Variants in ABCB9 observed in about 807,000 individuals in gnomAD.
The protein encoded by ABCB9 is ABC-type oligopeptide transporter ABCB9.
ABCB9 carries 36 observed loss-of-function variants against 62.0 expected under a neutral mutation model. The observed-to-expected ratio is 0.58, with a 90% CI of 0.45 to 0.77. ABCB9 has a LOEUF of 0.77. Among genes scored for constraint, ABCB9 ranks in the 30% least tolerant of loss-of-function variants. ABCB9 has a pLI of 0.00. For synonymous variants in ABCB9, 435 were observed against 461.4 expected, an observed-to-expected ratio of 0.94 and a Z score of 0.73; for missense variants, 943 against 1,054.7, an observed-to-expected ratio of 0.89 and a Z score of 1.47.
upstream of ABCB9, among the ~76,000 whole-genome samples, chr12:122,969,907 C>T (rs1305194335): frequency 6.6e-6 from 1 of 152,268 alleles, no homozygotes; most frequent in Non-Finnish European, 1.5e-5. Flanking sequence ...TCATTCATTG[C>T]TGCTGGGAAT....
chr12:122,958,447 C>T (rs2036724572), intron 2 of ABCB9, among the ~76,000 whole-genome samples: 1 of 152,120 alleles, frequency 6.6e-6, no homozygotes, highest in Non-Finnish European at 1.5e-5. Context: ...GGAACATGCA[C>T]AAGAATTGAG....
rs1041373723 is a variant in ABCB9 at position 122,929,158 on chromosome 12, G to A, written c.*753C>T. ...TCCAGACAGCAGAGCACAGGGGCGG[G>A]TGTGGGGAGGGAGGCTGCCAGCCAG... On this transcript the variant is annotated 3_prime_UTR_variant, in exon 12 of 12. Transcript: ENST00000280560. The surrounding 1 kb of genome is among the most constrained non-coding windows in gnomAD (Gnocchi z 6.0). 5.2e-4 allele frequency: 511 copies of A among 985,144 alleles called. 5 individuals are homozygous for A. The highest frequency in any genetic ancestry group is 1.0e-3 in the Middle Eastern group (2 of 1,942). 61.0% of individuals were successfully genotyped at this position (985,144 alleles called of 1,614,324 possible). A position where few individuals can be genotyped will look rare whatever the true frequency, so the allele number is the denominator to read the frequency against.
At chr12:122,951,254 T>G (rs2036353808) in intron 2 of ABCB9, among the ~76,000 whole-genome samples, 1 of 151,252 alleles carries the variant, frequency 6.6e-6, no homozygotes, top group Non-Finnish European at 1.5e-5. Context: ...TTTTTTTTTT[T>G]TTTAACTTTT....
chr12:122,973,972 G>A (rs1362556848), intron 1 of ABCB9, among the ~76,000 whole-genome samples: 1 of 152,268 alleles, frequency 6.6e-6, no homozygotes, highest in East Asian at 1.9e-4. Context: ...TTGAATCCGG[G>A]AGGCAGAGGT....
chr12:122,935,273 T>C lies in ABCB9; in HGVS notation c.1902A>G (p.Thr634=). 1 of 1,606,030 alleles carries C rather than the reference T, an allele frequency of 6.2e-7. No individual in the cohort carries two copies. Among genetic ancestry groups the C allele is most frequent in the East Asian group, 2.2e-5 (1 of 44,634 alleles). The change falls in exon 10 of 12, where the codon ACA becomes ACG. Residue 634 remains threonine (T), a splice_region_variant and synonymous_variant. Coordinates refer to ENST00000280560, the MANE Select transcript of ABCB9 (RefSeq NM_019625.4). The stretch of plus-strand genomic sequence containing the variant: ...GAGGGGCCACCCCCAGCTCCACACC[T>C]GTGCTGTAGCCGTCCTGGAGTTCCA... ...FIMELQDGYS[T]ETGEKGAQLS...
chr12:122,939,947 TG>T, intron 9 of ABCB9, 163 bp downstream of exon 9: 1 of 1,013,238 alleles, frequency 9.9e-7, no homozygotes, highest in South Asian at 1.8e-5. Context: ...CCACCACGTC[TG>T]GACAAGAATG....
In ABCB9 at chr12:122,930,133, C is replaced by T. The variant is rs756487180; in HGVS notation, c.2079G>A (p.Thr693=). The T allele has an allele frequency of 2.7e-5, 42 of 1,552,990 alleles. No individual in the cohort carries two copies. Among genetic ancestry groups the T allele is most frequent in the East Asian group, 4.9e-5 (2 of 41,136 alleles). ...TCAGCCGGTGCGCGATGATGAGTAC[C>T]GTGTGCTTCTGCAGGTTGCCATGGA... ...QAIHGNLQKH[T]VLIIAHRLST... Residue 693 remains threonine, a synonymous_variant, in exon 12 of 12, where the codon ACG becomes ACA. Coordinates refer to ENST00000280560, the MANE Select transcript of ABCB9 (RefSeq NM_019625.4). This position sits in a 1 kb window ranked among gnomAD's most constrained non-coding sequence, Gnocchi z 4.9.
chr12:122,973,601 A>C (rs1256431442), intron 1 of ABCB9, among the ~76,000 whole-genome samples: 9 of 143,950 alleles, frequency 6.3e-5, no homozygotes, highest in Admixed American at 1.4e-4. Flanking sequence ...AAAAAAAAAA[A>C]AAAAAAAACA....
chr12:122,965,191 G>A (rs1005411733), intron 1 of ABCB9, among the ~76,000 whole-genome samples: 1 of 152,134 alleles, frequency 6.6e-6, no homozygotes, highest in Admixed American at 6.5e-5. Context: ...GAAAAAGGAC[G>A]AAGGCAGGAT....
downstream of ABCB9, among the ~76,000 whole-genome samples, chr12:122,927,030 C>T (rs2034925318): frequency 6.6e-6 from 1 of 152,134 alleles, no homozygotes; most frequent in Non-Finnish European, 1.5e-5. Context: ...CTGATAGTGA[C>T]ATGCTATGTT....
At chr12:122,933,776 A>G (rs2035317349) in intron 10 of ABCB9, among the ~76,000 whole-genome samples, 1 of 152,176 alleles carries the variant, frequency 6.6e-6, no homozygotes, top group South Asian at 2.1e-4. Context: ...GACAAGTAAA[A>G]ATAGTTTGTA....
chr12:122,920,687 T>C (rs894392191), downstream of ABCB9, among the ~76,000 whole-genome samples: 7 of 151,964 alleles, frequency 4.6e-5, no homozygotes, highest in Non-Finnish European at 7.4e-5. Context: ...GGAGGATCAC[T>C]TGAGGTCAGG....
Position 122,964,715 on chromosome 12 carries a change from G to A in ABCB9, c.-88+1572C>T, listed in dbSNP as rs1234289189. Among the ~76,000 whole-genome samples the A allele has an allele frequency of 6.6e-6, 1 of 152,246 alleles. No individual in the cohort carries two copies. Among genetic ancestry groups the A allele is most frequent in the African/African-American group, 2.4e-5 (1 of 41,466 alleles). ...CTGGAGGGCAAATTGTGAGCACATG[G>A]GTGACCTGCTTGGCCTGAGGGACAA... is the stretch of plus-strand genomic sequence containing the variant. On this transcript the variant is annotated intron_variant, in intron 1 of 11. Transcript: ENST00000280560. This position sits in a 1 kb window ranked among gnomAD's most constrained non-coding sequence, Gnocchi z 4.7.
upstream of ABCB9, among the ~76,000 whole-genome samples, chr12:122,971,450 A>C (rs192737073): frequency 6.6e-6 from 1 of 151,594 alleles, no homozygotes; most frequent in Admixed American, 6.6e-5. Context: ...GAATATGTTT[A>C]TTTAATTTTT....
At chr12:122,931,003 C>T (rs2135755510) in intron 11 of ABCB9, among the ~76,000 whole-genome samples, 1 of 152,148 alleles carries the variant, frequency 6.6e-6, no homozygotes, top group East Asian at 1.9e-4. Context: ...TCCAGGTATC[C>T]CCATTCTGTT....
At chr12:122,948,401 A>T (rs2036159281) in intron 5 of ABCB9, 1 of 460,206 alleles carries the variant, frequency 2.2e-6, no homozygotes, top group Non-Finnish European at 3.8e-6. Context: ...AAGTTCCAGG[A>T]AGGCAGGGGC....
intron 2 of ABCB9, among the ~76,000 whole-genome samples, chr12:122,955,580 C>T (rs578049291): frequency 1.3e-5 from 2 of 152,314 alleles, no homozygotes; most frequent in South Asian, 2.1e-4. Flanking sequence ...CAGGGTCTTG[C>T]TATGTTGGCC....
At chr12:122,951,193 T>C (rs1255863584) in intron 2 of ABCB9, among the ~76,000 whole-genome samples, 1 of 151,774 alleles carries the variant, frequency 6.6e-6, no homozygotes, top group African/African-American at 2.4e-5. Context: ...ACCCCCATTT[T>C]ACAAATGAGA....
Position 122,940,867 on chromosome 12 carries a change from C to G in ABCB9, c.1509G>C (p.Arg503=). 6.2e-7 allele frequency: 1 copy of G among 1,611,912 alleles called. No homozygotes were observed. The highest frequency in any genetic ancestry group is 8.5e-7 in the Non-Finnish European group (1 of 1,178,942). The change falls in exon 8 of 12, where the codon CGG becomes CGC. Residue 503 remains arginine, a synonymous_variant. Transcript: ENST00000280560. This position sits in a 1 kb window ranked among gnomAD's most constrained non-coding sequence, Gnocchi z 4.8. ...GSLAPDHLEG[R]VDFENVTFTY... is the part of the protein sequence containing the mutation. ...TGAAGGTCACATTCTCAAAGTCCAC[C>G]CGGCCCTCCAGGTGGTCGGGGGCCA...
Sources: allele counts gnomAD v4.1 joint callset (sites outside exome capture counted in the v4.1 genomes callset), GRCh38; gene constraint gnomAD v4.1.1; non-coding constraint Gnocchi (gnomAD v3.1); transcripts MANE v1.5; gene names NCBI Gene and HGNC (gene_info 2026-07-23, HGNC 2026-07-21).